Variants in HECW2 observed in about 807,000 individuals in gnomAD.
The protein encoded by HECW2 is E3 ubiquitin-protein ligase HECW2.
A neutral mutation model predicts 175.2 loss-of-function variants in HECW2; 61 were observed. The observed-to-expected ratio is 0.35, with a 90% confidence interval of 0.28 to 0.43. The LOEUF (loss-of-function observed/expected upper bound fraction) is 0.43. Ranked by LOEUF, HECW2 falls within the 20% of genes least tolerant of loss-of-function variation. The probability of loss-of-function intolerance (pLI) is 1.00; values close to 1 mark genes in which losing one functional copy is unlikely to be tolerated. For missense variants in HECW2, 1,524 were observed against 2,000.5 expected, an observed-to-expected ratio of 0.76 and a Z score of 4.54; for synonymous variants, 671 against 731.0, an observed-to-expected ratio of 0.92 and a Z score of 1.32.
In HECW2 at chr2:196,366,324, G is replaced by A. The variant is rs139382908; in HGVS notation, c.293-22560C>T. Among the ~76,000 whole-genome samples, 350 of 152,210 alleles carry A rather than the reference G, an allele frequency of 2.3e-3. 2 individuals are homozygous for A. Among genetic ancestry groups the A allele is most frequent in the African/African-American group, 7.9e-3 (329 of 41,522 alleles). On this transcript the variant is annotated intron_variant, in intron 2 of 28. Coordinates refer to ENST00000644978, the MANE Select transcript of HECW2 (RefSeq NM_001348768.2). The stretch of plus-strand genomic sequence containing the variant: ...ATCTGGGAAACTATTAATATGCTTT[G>A]GAAGAGAAGAAAATTCCCAAAGGAC...
At chr2:196,463,656 C>A (rs1021879885) in intron 1 of HECW2, among the ~76,000 whole-genome samples, 6 of 152,120 alleles carry the variant, frequency 3.9e-5, no homozygotes, top group Non-Finnish European at 7.4e-5. Flanking sequence ...CAAAGTGAAA[C>A]TATTTCCAAG....
intron 2 of HECW2, among the ~76,000 whole-genome samples, chr2:196,430,729 T>C (rs562077738): frequency 6.6e-6 from 1 of 151,924 alleles, no homozygotes; most frequent in East Asian, 1.9e-4. Flanking sequence ...TAAATAGAAA[T>C]TATCAAATTT....
intron 1 of HECW2, among the ~76,000 whole-genome samples, chr2:196,538,046 G>A (rs953890547): frequency 6.6e-6 from 1 of 152,162 alleles, no homozygotes; most frequent in Admixed American, 6.5e-5. Context: ...GTTGGTGTCT[G>A]GATCAGGACC....
chr2:196,310,768 T>TTGTGTGTGTGTGTGTGTGTGTG lies in HECW2; in HGVS notation c.2435-2684_2435-2683insCACACACACACACACACACACA, dbSNP rs143340435. On this transcript the variant is annotated intron_variant, in intron 10 of 28. Transcript: ENST00000644978. ...TGCAGTGAAAACGAGAGCAACGATT[T>TTGTGTGTGTGTGTGTGTGTGTG]TGTGTGTGTGTGTGTGTGTGTTTTG... 5.9e-4 allele frequency among the ~76,000 whole-genome samples: 87 copies of TTGTGTGTGTGTGTGTGTGTGTG among 148,326 alleles called. 1 individual carries two copies. The highest frequency in any genetic ancestry group is 4.4e-3 in the East Asian group (22 of 4,956).
intron 17 of HECW2, chr2:196,263,960 C>A (rs758975460): frequency 6.6e-6 from 1 of 152,102 alleles, no homozygotes; most frequent in Non-Finnish European, 1.5e-5. Flanking sequence ...TTTCAACAGA[C>A]AGTATGATCT....
intron 5 of HECW2, among the ~76,000 whole-genome samples, chr2:196,329,121 T>C (rs1212173290): frequency 6.6e-6 from 1 of 152,164 alleles, no homozygotes; most frequent in Non-Finnish European, 1.5e-5. Context: ...AATTTGAACA[T>C]TTTACTAATC....
chr2:196,428,663 A>G (rs1695618151), intron 2 of HECW2, among the ~76,000 whole-genome samples: 1 of 152,180 alleles, frequency 6.6e-6, no homozygotes, highest in Non-Finnish European at 1.5e-5. Flanking sequence ...TGTGTTCAGA[A>G]TTTTTATATC....
chr2:196,337,498 C>T (rs906632907), intron 3 of HECW2, among the ~76,000 whole-genome samples: 20 of 151,898 alleles, frequency 1.3e-4, no homozygotes, highest in Non-Finnish European at 1.0e-4. Context: ...TCTATCCTAG[C>T]TGCTTTTTCC....
At chr2:196,576,215 C>A (rs541917675) in intron 1 of HECW2, among the ~76,000 whole-genome samples, 1 of 152,226 alleles carries the variant, frequency 6.6e-6, no homozygotes, top group South Asian at 2.1e-4. Flanking sequence ...ACCATATATA[C>A]CATATAGCCT....
chr2:196,578,454 T>G (rs935127659), intron 1 of HECW2, among the ~76,000 whole-genome samples: 4 of 152,128 alleles, frequency 2.6e-5, no homozygotes, highest in Non-Finnish European at 4.4e-5. Flanking sequence ...TTTTTAAGAT[T>G]AGTGGCCATA....
chr2:196,575,161 T>C (rs918175051), intron 1 of HECW2, among the ~76,000 whole-genome samples: 13 of 142,256 alleles, frequency 9.1e-5, no homozygotes, highest in African/African-American at 2.6e-5. Flanking sequence ...GGCCAACGTA[T>C]GTATGAAAAA....
At chr2:196,486,730 C>T (rs1435990873) in intron 1 of HECW2, among the ~76,000 whole-genome samples, 1 of 152,140 alleles carries the variant, frequency 6.6e-6, no homozygotes, top group Non-Finnish European at 1.5e-5. Context: ...GACTGGGACC[C>T]GGCATCCAAG....
intron 26 of HECW2, 38 bp from the exon 27 acceptor site, chr2:196,217,131 T>C (rs1022636610): frequency 4.1e-6 from 6 of 1,478,250 alleles, no homozygotes; most frequent in Non-Finnish European, 5.6e-6. Context: ...TTACTTTGAC[T>C]CTTCTATATT....
chr2:196,522,093 C>T (rs1012465554), intron 1 of HECW2, among the ~76,000 whole-genome samples: 2 of 152,280 alleles, frequency 1.3e-5, no homozygotes, highest in Admixed American at 6.5e-5. Flanking sequence ...GTTTACAATC[C>T]CACCAACAGT....
chr2:196,216,368 G>C lies in HECW2; in HGVS notation c.4495-391C>G, dbSNP rs148660533. Among the ~76,000 whole-genome samples, 5 of 152,056 alleles carry C rather than the reference G, an allele frequency of 3.3e-5. No homozygotes were observed. The East Asian group carries it at 9.6e-4, about 29-fold the overall frequency. On this transcript the variant is annotated intron_variant, in intron 27 of 28. Coordinates refer to ENST00000644978, the MANE Select transcript of HECW2 (RefSeq NM_001348768.2). ...TTTAAAAAAGAGAATGTCTGGGCCT[G>C]CAATTTTGAGGCCCAGACCCTTAAT...
intron 2 of HECW2, among the ~76,000 whole-genome samples, chr2:196,403,891 T>C (rs1488874375): frequency 1.3e-5 from 2 of 152,180 alleles, no homozygotes; most frequent in African/African-American, 4.8e-5. Context: ...CAGGTTGTAT[T>C]TCAGGCCTGT....
Position 196,461,622 on chromosome 2 carries a change from G to A in HECW2, c.-35-28164C>T, listed in dbSNP as rs554760107. ...AGAGGTTTAATTGACTCACAGTTCA[G>A]TATGGCGGGGGAGGCCTCAGGAAAC... On this transcript the variant is annotated intron_variant, in intron 1 of 28. Transcript: ENST00000644978. 6.1e-4 allele frequency among the ~76,000 whole-genome samples: 93 copies of A among 152,310 alleles called. 2 individuals are homozygous for A. The South Asian group carries it at 0.019, about 31-fold the overall frequency.
intron 2 of HECW2, among the ~76,000 whole-genome samples, chr2:196,376,690 T>C (rs910003934): frequency 2.7e-5 from 4 of 149,056 alleles, no homozygotes; most frequent in African/African-American, 9.9e-5. Flanking sequence ...CCCAGCACTT[T>C]GGGAGGCTGA....
At chr2:196,275,524 C>A (rs187695267) in intron 15 of HECW2, among the ~76,000 whole-genome samples, 3 of 152,092 alleles carry the variant, frequency 2.0e-5, no homozygotes, top group Non-Finnish European at 4.4e-5. Flanking sequence ...GTGGCCAAGG[C>A]GGGCGGATTA....
Sources: gnomAD v4.1 joint callset for allele counts (sites outside exome capture counted in the v4.1 genomes callset) on GRCh38, gnomAD v4.1.1 for gene constraint, MANE v1.5 for transcripts, NCBI Gene and HGNC (gene_info 2026-07-23, HGNC 2026-07-21) for gene names.